The following PCCA variants were observed in gnomAD, a reference collection of about 807,000 sequenced individuals.
PCCA encodes propionyl-CoA carboxylase alpha chain, mitochondrial.
In PCCA, 74 loss-of-function variants were observed where a neutral mutation model predicts 101.3. That is an observed-to-expected ratio of 0.73 (90% CI 0.61 to 0.89). The LOEUF is 0.89. Among genes scored for constraint, PCCA ranks in the 40% least tolerant of loss-of-function variants. PCCA has a pLI of 0.00. For synonymous variants in PCCA, 294 were observed against 313.6 expected, an observed-to-expected ratio of 0.94 and a Z score of 0.66; for missense variants, 891 against 907.0, an observed-to-expected ratio of 0.98 and a Z score of 0.23.
intron 23 of PCCA, among the ~76,000 whole-genome samples, chr13:100,529,478 A>G (rs911861883): frequency 6.6e-6 from 1 of 152,168 alleles, no homozygotes; most frequent in Non-Finnish European, 1.5e-5. Context: ...AAATTTCGGA[A>G]AGCAAAACTT....
chr13:100,378,959 T>C (rs931416993), intron 19 of PCCA, among the ~76,000 whole-genome samples: 3 of 152,182 alleles, frequency 2.0e-5, no homozygotes, highest in African/African-American at 7.2e-5. Flanking sequence ...TGCAGACTTA[T>C]TGTATTCCTT....
At position 100,141,551 on chromosome 13, in the gene PCCA, C is replaced by T. The variant is rs138658005; in HGVS notation, c.301-13428C>T. Among the ~76,000 whole-genome samples the T allele has an allele frequency of 2.8e-3, 420 of 152,234 alleles. 4 individuals carry two copies. Among genetic ancestry groups the T allele is most frequent in the East Asian group, 0.018 (94 of 5,170 alleles). On this transcript the variant is annotated intron_variant, in intron 4 of 23. Coordinates refer to ENST00000376285, the MANE Select transcript of PCCA (RefSeq NM_000282.4). ...TCAGCCTCCCGAGTAGCTGGGATTA[C>T]AGGCATGCACCACCATGTCCAGCTG...
chr13:100,520,551 C>T (rs1294439343), intron 22 of PCCA, among the ~76,000 whole-genome samples: 6 of 140,626 alleles, frequency 4.3e-5, no homozygotes, highest in East Asian at 4.3e-4. Context: ...AGGAGAATGG[C>T]GTGAACCCGG....
At chr13:100,403,000 A>AT (rs752322601) in intron 19 of PCCA, among the ~76,000 whole-genome samples, 6,636 of 144,590 alleles carry the variant, frequency 0.046, 438 homozygotes, top group African/African-American at 0.15. Context: ...GGAGAACTTA[A>AT]TTTTTTTTTT....
intron 4 of PCCA, among the ~76,000 whole-genome samples, chr13:100,117,651 A>G (rs917699041): frequency 6.6e-6 from 1 of 151,930 alleles, no homozygotes; most frequent in African/African-American, 2.4e-5. Flanking sequence ...GAGGGATAGC[A>G]TTAGGGGAAA....
At chr13:100,234,256 A>G (rs1245248651) in intron 7 of PCCA, among the ~76,000 whole-genome samples, 1 of 152,176 alleles carries the variant, frequency 6.6e-6, no homozygotes, top group Non-Finnish European at 1.5e-5. Context: ...TTCCAACTCA[A>G]TGTGTGGAAA....
chr13:100,190,203 C>G (rs1307839039), intron 6 of PCCA, among the ~76,000 whole-genome samples: 1 of 152,150 alleles, frequency 6.6e-6, no homozygotes, highest in African/African-American at 2.4e-5. Flanking sequence ...CGCACGTAAT[C>G]TTTGATGGCT....
intron 21 of PCCA, among the ~76,000 whole-genome samples, chr13:100,510,175 C>T (rs1271280534): frequency 6.6e-6 from 1 of 152,194 alleles, no homozygotes; most frequent in Non-Finnish European, 1.5e-5. Flanking sequence ...AAATCCTGCT[C>T]ATGGGCAGAA....
intron 4 of PCCA, chr13:100,149,316 A>G (rs1182378399): frequency 1.3e-5 from 2 of 152,068 alleles, no homozygotes; most frequent in Admixed American, 1.3e-4. Flanking sequence ...CTTATAAGGA[A>G]ACTTGCCATC....
chr13:100,480,790 GAC>G (rs2083840479), intron 21 of PCCA, among the ~76,000 whole-genome samples: 1 of 152,128 alleles, frequency 6.6e-6, no homozygotes, highest in African/African-American at 2.4e-5. Context: ...AATTTCCTTG[GAC>G]ACAATGGGTT....
At chr13:100,401,892 T>A (rs1245886143) in intron 19 of PCCA, among the ~76,000 whole-genome samples, 1 of 152,228 alleles carries the variant, frequency 6.6e-6, no homozygotes, top group Admixed American at 6.5e-5. Context: ...TTTGTAGACG[T>A]GAAAGTGAAA....
At chr13:100,482,506 G>T (rs1036208292) in intron 21 of PCCA, among the ~76,000 whole-genome samples, 2 of 152,212 alleles carry the variant, frequency 1.3e-5, no homozygotes, top group Non-Finnish European at 2.9e-5. Flanking sequence ...GGTGGGCCTG[G>T]GAAGGCTGGA....
Position 100,368,497 on chromosome 13 carries a change from G to A in PCCA, c.1669G>A (p.Ala557Thr). The change falls in exon 19 of 24, where the codon GCC becomes ACC. Residue 557 changes from alanine to threonine, a missense_variant. By Grantham distance (58) the Ala-to-Thr change is moderately conservative. Coordinates refer to ENST00000376285, the MANE Select transcript of PCCA (RefSeq NM_000282.4). Reference sequence around the variant, plus strand: ...AATGCCTGTTATTAAACCAGACATAGCCAACTGGGAGCTCTCAGTAAAATT... The same window carrying A: ...AATGCCTGTTATTAAACCAGACATAACCAACTGGGAGCTCTCAGTAAAATT... ...SRMPVIKPDI[A>T]NWELSVKLHD... 6.2e-7 allele frequency: 1 copy of A among 1,605,368 alleles called. No individual in the cohort carries two copies. Among genetic ancestry groups the A allele is most frequent in the Non-Finnish European group, 8.5e-7 (1 of 1,172,984 alleles).
At chr13:100,117,022 A>G (rs546011893) in intron 4 of PCCA, among the ~76,000 whole-genome samples, 40 of 152,292 alleles carry the variant, frequency 2.6e-4, no homozygotes, top group African/African-American at 9.6e-4. Flanking sequence ...AAGCTGCTAA[A>G]TAGTTCTCCT....
intron 6 of PCCA, among the ~76,000 whole-genome samples, chr13:100,174,589 A>C (rs1331145322): frequency 6.6e-6 from 1 of 150,996 alleles, no homozygotes; most frequent in East Asian, 1.9e-4. Flanking sequence ...TTAGCCAGGC[A>C]TGGTGGCGCA....
At position 100,341,973 on chromosome 13, in the gene PCCA, A is replaced by ATATATATATATATG. The variant is rs1257478273; in HGVS notation, c.1643+1723_1643+1724insATATGTATATATAT. Among the ~76,000 whole-genome samples, 55 of 121,864 alleles carry ATATATATATATATG rather than the reference A, an allele frequency of 4.5e-4. 1 individual carries two copies. The highest frequency in any genetic ancestry group is 7.6e-4 in the Non-Finnish European group (45 of 59,022). 79.9% of individuals were successfully genotyped at this position (121,864 alleles called of 152,430 possible). A position where few individuals can be genotyped will look rare whatever the true frequency, so the allele number is the denominator to read the frequency against. On this transcript the variant is annotated intron_variant, in intron 18 of 23. Transcript: ENST00000376285. Reference sequence around the variant, plus strand: ...CCCTTCAAAGTATATATATATATATATATATATATGTATTTATGTGTGTGT... The same window carrying ATATATATATATATG: ...CCCTTCAAAGTATATATATATATATATATATATATATATGTATATATATGTATTTATGTGTGTGT...
chr13:100,456,693 A>T lies in PCCA; in HGVS notation c.1899+7388A>T, dbSNP rs182274569. Among the ~76,000 whole-genome samples the T allele has an allele frequency of 9.4e-3, 1,424 of 152,280 alleles. 14 individuals carry two copies. The highest frequency in any genetic ancestry group is 0.014 in the Non-Finnish European group (953 of 68,028). On this transcript the variant is annotated intron_variant, in intron 21 of 23. Transcript: ENST00000376285. The stretch of plus-strand genomic sequence containing the variant: ...GCAGCATACGTCAGCGTTTTCTTCT[A>T]TGCACTTATAAGAAAGATCAAAGAC...
Position 100,318,413 on chromosome 13 carries a change from T to TG in PCCA, c.1429+8506dup, listed in dbSNP as rs570353825. Reference sequence around the variant, plus strand: ...TTGTTACGTAGGTATTCATGTGCCATGTTGGTGTGCTGCACCCATTAACTC... The same window carrying TG: ...TTGTTACGTAGGTATTCATGTGCCATGGTTGGTGTGCTGCACCCATTAACTC... On this transcript the variant is annotated intron_variant, in intron 16 of 23. Transcript: ENST00000376285. 2.9e-4 allele frequency among the ~76,000 whole-genome samples: 44 copies of TG among 152,192 alleles called. No homozygotes were observed. The East Asian group carries it at 7.5e-3, about 26-fold the overall frequency.
intron 7 of PCCA, among the ~76,000 whole-genome samples, chr13:100,232,006 C>T (rs2060499251): frequency 6.6e-6 from 1 of 152,104 alleles, no homozygotes. Flanking sequence ...GCTACCCCCG[C>T]CCCCAGTATA....
Sources: gnomAD v4.1 joint callset for allele counts (sites outside exome capture counted in the v4.1 genomes callset) on GRCh38, gnomAD v4.1.1 for gene constraint, MANE v1.5 for transcripts, NCBI Gene and HGNC (gene_info 2026-07-23, HGNC 2026-07-21) for gene names.